LAMA1: variants seen among roughly 807,000 people sequenced by gnomAD.
The protein encoded by LAMA1 is laminin subunit alpha-1.
A neutral mutation model predicts 348.7 loss-of-function variants in LAMA1; 219 were observed. The ratio of observed to expected loss-of-function variants is 0.63; its 90% CI spans 0.56 to 0.70. The LOEUF (loss-of-function observed/expected upper bound fraction) is 0.70, where lower values mean the gene tolerates loss of function less well. LAMA1 is among the 30% of genes least tolerant of loss of function. The probability of loss-of-function intolerance (pLI) is 0.00; values close to 1 mark genes in which losing one functional copy is unlikely to be tolerated. For missense variants in LAMA1, 3,744 were observed against 3,888.0 expected, an observed-to-expected ratio of 0.96 and a Z score of 0.99; for synonymous variants, 1,487 against 1,491.0, an observed-to-expected ratio of 1.00 and a Z score of 0.06.
Position 7,010,425 on chromosome 18 carries a change from C to G in LAMA1, c.3688-40G>C, listed in dbSNP as rs2057854580. ...AGTGTTGTTTACTTCTCTGACAAAGCTTTCATTCAAAAACATTTTATTGCA... is the reference window on the plus strand; with the variant it reads ...AGTGTTGTTTACTTCTCTGACAAAGGTTTCATTCAAAAACATTTTATTGCA... On this transcript the variant is annotated intron_variant, in intron 25 of 62. Coordinates refer to ENST00000389658, the MANE Select transcript of LAMA1 (RefSeq NM_005559.4). 1.9e-6 allele frequency: 3 copies of G among 1,587,852 alleles called. No homozygotes were observed. The East Asian group carries it at 6.7e-5, about 35-fold the overall frequency.
At chr18:7,017,774 A>G (rs2057895765) in intron 19 of LAMA1, among the ~76,000 whole-genome samples, 1 of 152,242 alleles carries the variant, frequency 6.6e-6, no homozygotes, top group Admixed American at 6.5e-5. Flanking sequence ...TTTAAAGCTC[A>G]GTTAAAACGT....
At position 6,956,642 on chromosome 18, in the gene LAMA1, A is replaced by G. The variant is rs1416448711; in HGVS notation, c.8088T>C (p.Ala2696=). The G allele has an allele frequency of 1.9e-6, 3 of 1,613,968 alleles. No homozygotes were observed. Among genetic ancestry groups the G allele is most frequent in the African/African-American group, 1.3e-5 (1 of 74,916 alleles). Residue 2696 remains alanine, a synonymous_variant, in exon 56 of 63, where the codon GCT becomes GCC. Transcript: ENST00000389658. The part of the protein sequence containing the change: ...EDSKLLPEPR[A]FPEQCVVDAA... ...TAAAGGAAGCCGCTCCTACTGGAAA[A>G]GCCCGGGGCTCTGGCAAGAGCTTGC...
rs773625934 is a variant in LAMA1 at position 7,040,080 on chromosome 18, C to A, written c.1418G>T (p.Cys473Phe). The A allele has an allele frequency of 2.5e-6, 4 of 1,614,064 alleles. No individual in the cohort carries two copies. The highest frequency in any genetic ancestry group is 3.4e-6 in the Non-Finnish European group (4 of 1,180,022). The change falls in exon 10 of 63, where the codon TGT becomes TTT. Residue 473 changes from cysteine to phenylalanine, a missense_variant. Cys to Phe is a radical substitution (Grantham distance 205, BLOSUM62 -2). Transcript: ENST00000389658. ...SDEPCTGPCV[C>F]KENVEGKACD... ...GTCTCTGACCTCCCCACTTACCTTA[C>A]AAACACAGGGCCCTGTGCAGGGCTC...
intron 31 of LAMA1, 58 bp from the exon 32 acceptor site, chr18:6,999,696 G>T: frequency 7.1e-7 from 1 of 1,405,938 alleles, no homozygotes; most frequent in Non-Finnish European, 9.9e-7. Flanking sequence ...CTTCTAACTT[G>T]CGACAGTAAT....
chr18:7,061,226 C>T (rs900757125), intron 3 of LAMA1, among the ~76,000 whole-genome samples: 1 of 152,182 alleles, frequency 6.6e-6, no homozygotes, highest in Non-Finnish European at 1.5e-5. Flanking sequence ...AGGTTGTCTT[C>T]CCTTCCTAGT....
chr18:7,096,679 C>T (rs1179760419), intron 1 of LAMA1, among the ~76,000 whole-genome samples: 5 of 152,014 alleles, frequency 3.3e-5, no homozygotes, highest in Non-Finnish European at 7.4e-5. Context: ...TCTCCCCCAC[C>T]CCATTCCATA....
chr18:7,001,068 A>C (rs1373797568), intron 30 of LAMA1, among the ~76,000 whole-genome samples: 1 of 152,224 alleles, frequency 6.6e-6, no homozygotes, highest in African/African-American at 2.4e-5. Context: ...GTAGGGTAGA[A>C]TGTCCTTCCC....
rs138476816 is a variant in LAMA1 at position 7,014,033 on chromosome 18, C to T, written c.3145G>A (p.Val1049Met). The change falls in exon 23 of 63, where the codon GTG becomes ATG. Residue 1049 changes from valine to methionine, a missense_variant. By Grantham distance (21) the Val-to-Met change is conservative. Transcript: ENST00000389658. ...VGCQACNCSL[V>M]GSTHHRCDVV... Reference sequence around the variant, plus strand: ...TCGCACCGATGATGAGTCGACCCCACGAGACTGCAATTGCAGGCCTGAGAG... The same window carrying T: ...TCGCACCGATGATGAGTCGACCCCATGAGACTGCAATTGCAGGCCTGAGAG... 6.5e-4 allele frequency: 1,047 copies of T among 1,613,830 alleles called. 4 individuals carry two copies. The highest frequency in any genetic ancestry group is 7.2e-4 in the Non-Finnish European group (853 of 1,179,912).
chr18:7,057,479 T>TC (rs2058086679), intron 3 of LAMA1, among the ~76,000 whole-genome samples: 8 of 143,586 alleles, frequency 5.6e-5, no homozygotes, highest in South Asian at 2.3e-4. Flanking sequence ...TTCTTTTTTT[T>TC]TTTTTTTTTT....
Position 7,013,881 on chromosome 18 carries a change from CCCCG to C in LAMA1, c.3293_3296del (p.Ser1098TrpfsTer68). The C allele has an allele frequency of 1.2e-6, 2 of 1,612,414 alleles. No homozygotes were observed. Among genetic ancestry groups the C allele is most frequent in the Non-Finnish European group, 1.7e-6 (2 of 1,179,166 alleles). ...GACCCTGCTCCAGGTTGCAGGCGTC[CCCCG>C]ACGTCCCCCTCAGGTCACAGTCACA... On this transcript the variant is annotated frameshift_variant, in exon 23 of 63. Transcript: ENST00000389658. LOFTEE classifies it high-confidence loss of function.
At chr18:7,069,586 G>A (rs2058137676) in intron 3 of LAMA1, among the ~76,000 whole-genome samples, 1 of 151,072 alleles carries the variant, frequency 6.6e-6, no homozygotes, top group Non-Finnish European at 1.5e-5. Context: ...CTGTGTGACT[G>A]GAGACCAGGT....
chr18:6,999,193 T>A (rs2144090200), intron 32 of LAMA1, among the ~76,000 whole-genome samples: 1 of 152,254 alleles, frequency 6.6e-6, no homozygotes, highest in Admixed American at 6.5e-5. Flanking sequence ...AGGAGAAAGT[T>A]GAAATCACTG....
At chr18:7,089,810 G>A (rs891600328) in intron 1 of LAMA1, among the ~76,000 whole-genome samples, 1 of 152,206 alleles carries the variant, frequency 6.6e-6, no homozygotes, top group Non-Finnish European at 1.5e-5. Context: ...GGTGGAGATG[G>A]GGGAAGGATT....
chr18:7,117,213 A>G (rs1361444487), intron 1 of LAMA1, among the ~76,000 whole-genome samples: 5 of 151,888 alleles, frequency 3.3e-5, no homozygotes, highest in African/African-American at 1.2e-4. Flanking sequence ...AATGAGGGCG[A>G]CTCGGGAGAG....
intron 41 of LAMA1, 61 bp downstream of exon 41, chr18:6,982,436 C>A (rs2057715869): frequency 3.0e-6 from 4 of 1,337,034 alleles, no homozygotes; most frequent in Non-Finnish European, 1.1e-6. Flanking sequence ...TTCTTAGAGG[C>A]TGCTCAGCGA....
chr18:7,005,945 CCT>C (rs2057829999), intron 29 of LAMA1, among the ~76,000 whole-genome samples: 1 of 152,048 alleles, frequency 6.6e-6, no homozygotes, highest in Non-Finnish European at 1.5e-5. Flanking sequence ...AGTCCTAATT[CCT>C]CTGTTTTGGC....
intron 18 of LAMA1, among the ~76,000 whole-genome samples, chr18:7,023,774 G>A (rs531045641): frequency 3.9e-5 from 6 of 152,126 alleles, no homozygotes; most frequent in South Asian, 4.1e-4. Flanking sequence ...AGAACAGCCC[G>A]GAGCAATGGA....
At chr18:7,007,402 C>T (rs571731490) in intron 28 of LAMA1, 126 bp from the exon 29 acceptor site, 149 of 867,702 alleles carry the variant, frequency 1.7e-4, no homozygotes, top group Non-Finnish European at 2.3e-4. Context: ...TTCGACATCT[C>T]TATCAGAGAA....
At chr18:7,057,767 C>G (rs954412792) in intron 3 of LAMA1, among the ~76,000 whole-genome samples, 1 of 151,084 alleles carries the variant, frequency 6.6e-6, no homozygotes, top group African/African-American at 2.4e-5. Context: ...ATGTGAACCA[C>G]CGCATCCAGC....
Sources: allele counts gnomAD v4.1 joint callset (sites outside exome capture counted in the v4.1 genomes callset), GRCh38; gene constraint gnomAD v4.1.1; transcripts MANE v1.5; gene names NCBI Gene and HGNC (gene_info 2026-07-23, HGNC 2026-07-21).